The following SYCP2 variants were observed in gnomAD, a reference collection of about 807,000 sequenced individuals.
The protein encoded by SYCP2 is synaptonemal complex protein 2, also known as synaptonemal complex lateral element protein.
In SYCP2, 55 loss-of-function variants were observed where a neutral mutation model predicts 211.3. The observed-to-expected ratio is 0.26, with a 90% CI of 0.21 to 0.33. The LOEUF (loss-of-function observed/expected upper bound fraction) is 0.33, where lower values mean the gene tolerates loss of function less well. Among genes scored for constraint, SYCP2 ranks in the 10% least tolerant of loss-of-function variants. The pLI, the probability that SYCP2 is intolerant of heterozygous loss-of-function variation, is 1.00. For synonymous variants in SYCP2, 570 were observed against 555.2 expected, an observed-to-expected ratio of 1.03 and a Z score of -0.37; for missense variants, 1,731 against 1,752.0, an observed-to-expected ratio of 0.99 and a Z score of 0.21.
chr20:59,932,417 T>C (rs1404666904), intron 1 of SYCP2, among the ~76,000 whole-genome samples: 4 of 152,150 alleles, frequency 2.6e-5, no homozygotes, highest in Non-Finnish European at 5.9e-5. Context: ...GGCTCACACC[T>C]GTAATCCCAG....
intron 5 of SYCP2, 25 bp downstream of exon 5, chr20:59,920,330 CATGA>C: frequency 1.3e-6 from 2 of 1,493,848 alleles, no homozygotes; most frequent in Non-Finnish European, 1.8e-6. Context: ...ATTTCATTCA[CATGA>C]ATATGTTACA....
chr20:59,920,324 C>T, intron 5 of SYCP2, 35 bp downstream of exon 5: 1 of 1,480,858 alleles, frequency 6.8e-7, no homozygotes. Context: ...TATAATATTT[C>T]ATTCACATGA....
chr20:59,868,403 A>T lies in SYCP2; in HGVS notation c.3988+10T>A. 6.2e-7 allele frequency: 1 copy of T among 1,607,288 alleles called. No individual in the cohort carries two copies. The highest frequency in any genetic ancestry group is 1.1e-5 in the South Asian group (1 of 89,970). ...AACTGCATTTTGATACAGGCTACTG[A>T]TCTACCTACTTTTGTGGATATGATG... On this transcript the variant is annotated intron_variant, in intron 38 of 44. Transcript: ENST00000357552.
rs1471922583 is a variant in SYCP2, at chr20:59,914,101, C to CA, written c.777+7dup. The stretch of plus-strand genomic sequence containing the variant: ...TTCACGAATTTCTGTTATTGTTATA[C>CA]AACTTACTGTTTCAAATTCAGAGTC... On this transcript the variant is annotated splice_region_variant and intron_variant, in intron 11 of 44. Coordinates refer to ENST00000357552, the MANE Select transcript of SYCP2 (RefSeq NM_014258.4). 1 of 1,590,158 alleles carries CA rather than the reference C, an allele frequency of 6.3e-7. No individual in the cohort carries two copies. Among genetic ancestry groups the CA allele is most frequent in the South Asian group, 1.2e-5 (1 of 86,864 alleles).
chr20:59,911,723 G>T, intron 14 of SYCP2, 27 bp downstream of exon 14: 2 of 1,230,318 alleles, frequency 1.6e-6, no homozygotes, highest in East Asian at 2.4e-5. Flanking sequence ...TATACATAAA[G>T]AATAATACCA....
At chr20:59,866,237 T>C in intron 41 of SYCP2, 56 bp downstream of exon 41, 3 of 1,177,146 alleles carry the variant, frequency 2.5e-6, no homozygotes, top group Non-Finnish European at 2.4e-6. Flanking sequence ...TTTCCAAGTA[T>C]AGCTCTTTAA....
intron 12 of SYCP2, 115 bp downstream of exon 12, chr20:59,913,860 C>T (rs1317143842): frequency 1.3e-5 from 9 of 678,014 alleles, no homozygotes; most frequent in Non-Finnish European, 2.1e-5. Flanking sequence ...TTCTACACTC[C>T]AACATAGTGT....
At chr20:59,872,578 A>G (rs2059474077) in intron 35 of SYCP2, among the ~76,000 whole-genome samples, 1 of 152,014 alleles carries the variant, frequency 6.6e-6, no homozygotes, top group Admixed American at 6.6e-5. Context: ...ATGTATAGGA[A>G]AAAAAGATAG....
At chr20:59,875,150 GT>G in intron 34 of SYCP2, 120 bp downstream of exon 34, 1 of 620,822 alleles carries the variant, frequency 1.6e-6, no homozygotes, top group South Asian at 2.8e-5. Context: ...TAACAATGAA[GT>G]TTTAACTACT....
chr20:59,864,587 T>C (rs1199571266), intron 44 of SYCP2, among the ~76,000 whole-genome samples, 199 bp from the exon 45 acceptor site: 1 of 151,978 alleles, frequency 6.6e-6, no homozygotes, highest in Admixed American at 6.6e-5. Flanking sequence ...AGACAATCAG[T>C]TGAGAGAAGG....
At chr20:59,908,643 T>C (rs965176374) in intron 14 of SYCP2, among the ~76,000 whole-genome samples, 2 of 152,206 alleles carry the variant, frequency 1.3e-5, no homozygotes, top group Non-Finnish European at 2.9e-5. Flanking sequence ...AAAACACACA[T>C]AATGGCAATT....
At chr20:59,864,445 C>T (rs2059290489) in intron 44 of SYCP2, 57 bp from the exon 45 acceptor site, 1 of 1,206,408 alleles carries the variant, frequency 8.3e-7, no homozygotes, top group South Asian at 1.4e-5. Flanking sequence ...TGTAAAACCA[C>T]CAAATAAAAT....
intron 24 of SYCP2, among the ~76,000 whole-genome samples, chr20:59,889,838 T>C (rs1474773990): frequency 6.6e-6 from 1 of 151,972 alleles, no homozygotes; most frequent in Admixed American, 6.6e-5. Flanking sequence ...ATCAGACAGA[T>C]GGCTACCTTA....
rs753417619 is a variant in SYCP2, at chr20:59,864,278, A to C, written c.*33T>G. The C allele has an allele frequency of 7.2e-6, 10 of 1,394,792 alleles. No homozygotes were observed. Among genetic ancestry groups the C allele is most frequent in the Middle Eastern group, 3.6e-4 (2 of 5,576 alleles). 86.4% of individuals were successfully genotyped at this position (1,394,792 alleles called of 1,614,324 possible). A position where few individuals can be genotyped will look rare whatever the true frequency, so the allele number is the denominator to read the frequency against. On this transcript the variant is annotated 3_prime_UTR_variant, in exon 45 of 45. Transcript: ENST00000357552. ...TCCTCAGTTATATACAGAGAATAATAATTAGATAAAGTATGGTGATAAAAA... is the reference window on the plus strand; with the variant it reads ...TCCTCAGTTATATACAGAGAATAATCATTAGATAAAGTATGGTGATAAAAA...
At chr20:59,895,670 A>G in intron 19 of SYCP2, 73 bp from the exon 20 acceptor site, 1 of 1,521,018 alleles carries the variant, frequency 6.6e-7, no homozygotes, top group Non-Finnish European at 9.0e-7. Flanking sequence ...TTTTCCAATG[A>G]GAAAGGTAAG....
At chr20:59,930,998 CTATA>C (rs780563850) in intron 2 of SYCP2, among the ~76,000 whole-genome samples, 3 of 152,066 alleles carry the variant, frequency 2.0e-5, no homozygotes. Flanking sequence ...TAAAAATGAA[CTATA>C]TATAGTAACT....
intron 31 of SYCP2, 81 bp downstream of exon 31, chr20:59,880,222 T>G: frequency 8.9e-7 from 1 of 1,123,770 alleles, no homozygotes; most frequent in South Asian, 1.4e-5. Flanking sequence ...CTAAATACAA[T>G]AAGCTTATAT....
At chr20:59,931,351 C>T (rs997790846) in intron 2 of SYCP2, among the ~76,000 whole-genome samples, 8 of 152,180 alleles carry the variant, frequency 5.3e-5, no homozygotes, top group African/African-American at 1.4e-4. Flanking sequence ...GCCATGTTCA[C>T]GCTACTGCAC....
In SYCP2 at chr20:59,900,083, AC is replaced by A. The variant is rs11475034; in HGVS notation, c.1404+54del. On this transcript the variant is annotated intron_variant, in intron 18 of 44. Transcript: ENST00000357552. ...ATGCTTCTTTCAGTACTCATATATAACAGTGATTTGATCAATGGTAGTTTTA... is the reference window on the plus strand; with the variant it reads ...ATGCTTCTTTCAGTACTCATATATAAAGTGATTTGATCAATGGTAGTTTTA... 5,184 of 1,550,592 alleles carry A rather than the reference AC, an allele frequency of 3.3e-3. 152 individuals are homozygous for A. In the African/African-American group the frequency reaches 0.062, roughly 19 times the overall value.
Sources: allele counts gnomAD v4.1 joint callset (sites outside exome capture counted in the v4.1 genomes callset), GRCh38; gene constraint gnomAD v4.1.1; transcripts MANE v1.5; gene names NCBI Gene and HGNC (gene_info 2026-07-23, HGNC 2026-07-21).